Variants in ERBB4 observed in about 807,000 individuals in gnomAD.
ERBB4 encodes the protein erb-b2 receptor tyrosine kinase 4.
In ERBB4, 42 loss-of-function variants were observed where a neutral mutation model predicts 158.0. That is an observed-to-expected ratio of 0.27 (90% CI 0.21 to 0.34). ERBB4 has a LOEUF of 0.34. Ranked by LOEUF, ERBB4 falls within the 10% of genes least tolerant of loss-of-function variation. The pLI, the probability that ERBB4 is intolerant of heterozygous loss-of-function variation, is 1.00. For missense variants in ERBB4, 1,333 were observed against 1,624.1 expected (o/e 0.82, Z 3.08); for synonymous variants, 583 against 558.7 (o/e 1.04, Z -0.61).
chr2:212,152,241 T>A (rs1479354233), intron 1 of ERBB4, among the ~76,000 whole-genome samples: 2 of 152,202 alleles, frequency 1.3e-5, no homozygotes, highest in Non-Finnish European at 2.9e-5. Context: ...GATCTTCGGC[T>A]AATTATTTTA....
chr2:211,856,889 T>G (rs1341762754), intron 3 of ERBB4, among the ~76,000 whole-genome samples: 2 of 152,180 alleles, frequency 1.3e-5, no homozygotes, highest in Non-Finnish European at 2.9e-5. Context: ...AGAAATAATG[T>G]AGGAGTACTT....
intron 1 of ERBB4, among the ~76,000 whole-genome samples, chr2:212,162,901 A>G (rs1373999633): frequency 2.0e-5 from 3 of 152,012 alleles, no homozygotes; most frequent in Admixed American, 6.6e-5. Context: ...ATTTTATAGT[A>G]ACAGCAAAGC....
intron 1 of ERBB4, among the ~76,000 whole-genome samples, chr2:212,181,931 T>A (rs1026048684): frequency 6.6e-6 from 1 of 151,752 alleles, no homozygotes; most frequent in Non-Finnish European, 1.5e-5. Context: ...TTAGAAATAC[T>A]TTTGTGAGAT....
chr2:212,367,970 C>A (rs1280604445), intron 1 of ERBB4, among the ~76,000 whole-genome samples: 1 of 151,950 alleles, frequency 6.6e-6, no homozygotes, highest in Admixed American at 6.6e-5. Context: ...GGGAACACTT[C>A]TACACTGCTG....
At chr2:211,901,039 A>G (rs1055943151) in intron 3 of ERBB4, among the ~76,000 whole-genome samples, 1 of 152,184 alleles carries the variant, frequency 6.6e-6, no homozygotes, top group Non-Finnish European at 1.5e-5. Flanking sequence ...AATATTATAT[A>G]CTATAAAATG....
chr2:212,517,719 T>C (rs1217666113), intron 1 of ERBB4, among the ~76,000 whole-genome samples: 1 of 152,082 alleles, frequency 6.6e-6, no homozygotes, highest in Non-Finnish European at 1.5e-5. Context: ...TGCAGTGCTA[T>C]TGATTACAGG....
At chr2:212,483,228 A>T (rs1689798565) in intron 1 of ERBB4, among the ~76,000 whole-genome samples, 1 of 152,204 alleles carries the variant, frequency 6.6e-6, no homozygotes, top group Non-Finnish European at 1.5e-5. Context: ...GACTGACGTG[A>T]TGCTCTCAGT....
chr2:212,420,111 T>C (rs574204921), intron 1 of ERBB4, among the ~76,000 whole-genome samples: 1 of 152,070 alleles, frequency 6.6e-6, no homozygotes, highest in Non-Finnish European at 1.5e-5. Flanking sequence ...AAATAGATCA[T>C]TGTGATATGT....
At chr2:211,986,285 G>C (rs1260133543) in intron 2 of ERBB4, among the ~76,000 whole-genome samples, 2 of 152,152 alleles carry the variant, frequency 1.3e-5, no homozygotes, top group Non-Finnish European at 2.9e-5. Flanking sequence ...AAAGCTACTC[G>C]ATTTGTGGCA....
intron 2 of ERBB4, among the ~76,000 whole-genome samples, chr2:212,049,807 A>C (rs2077352003): frequency 6.6e-6 from 1 of 152,206 alleles, no homozygotes; most frequent in African/African-American, 2.4e-5. Flanking sequence ...CCAGTGAGTC[A>C]GCAAAACATG....
intron 21 of ERBB4, among the ~76,000 whole-genome samples, chr2:211,428,864 G>A (rs1316764639): frequency 1.3e-5 from 2 of 151,944 alleles, no homozygotes; most frequent in African/African-American, 4.8e-5. Flanking sequence ...CCACAGGGGT[G>A]CGCCACCATG....
intron 2 of ERBB4, among the ~76,000 whole-genome samples, chr2:211,971,127 C>T (rs1005989495): frequency 6.6e-6 from 1 of 152,106 alleles, no homozygotes; most frequent in Non-Finnish European, 1.5e-5. Context: ...TTCTCTTTTG[C>T]TTATGAAGCT....
rs1298202921 is a variant in ERBB4, at chr2:212,538,753, C to T, written c.-223G>A. On this transcript the variant is annotated 5_prime_UTR_variant, in exon 1 of 28. Transcript: ENST00000342788. Reference sequence around the variant, plus strand: ...GGGCGAGTGTGAGCGCGTGTGTGCGCGTGTGGGAGTGTGCTCGGTGTGTGC... The same window carrying T: ...GGGCGAGTGTGAGCGCGTGTGTGCGTGTGTGGGAGTGTGCTCGGTGTGTGC... 4 of 394,822 alleles carry T rather than the reference C, an allele frequency of 1.0e-5. No homozygotes were observed. Among genetic ancestry groups the T allele is most frequent in the Non-Finnish European group, 1.8e-5 (4 of 228,006 alleles). The allele number at this position is 394,822 out of a possible 1,614,324, so 24.5% of individuals were successfully genotyped here.
intron 1 of ERBB4, among the ~76,000 whole-genome samples, chr2:212,310,609 ATGTGTGTG>A (rs56209146): frequency 0.041 from 5,866 of 143,402 alleles, 153 homozygotes; most frequent in South Asian, 0.12. Context: ...ATATATGTAT[ATGTGTGTG>A]TGTGTGTGTG....
chr2:211,848,391 A>G (rs2077640157), intron 3 of ERBB4, among the ~76,000 whole-genome samples: 2 of 152,066 alleles, frequency 1.3e-5, no homozygotes, highest in African/African-American at 4.8e-5. Flanking sequence ...TTGCAATTGA[A>G]CCTGGAATCA....
chr2:212,199,158 C>T (rs1327029717), intron 1 of ERBB4, among the ~76,000 whole-genome samples: 1 of 152,124 alleles, frequency 6.6e-6, no homozygotes, highest in Non-Finnish European at 1.5e-5. Context: ...CTCATCAATA[C>T]TTGTTAGAAA....
rs958333785 is a variant in ERBB4, at chr2:211,826,166, T to C, written c.422-38007A>G. On this transcript the variant is annotated intron_variant, in intron 3 of 27. Coordinates refer to ENST00000342788, the MANE Select transcript of ERBB4 (RefSeq NM_005235.3). Reference sequence around the variant, plus strand: ...ATTTCAATGTATTTCAAAAACATTTTGAAATGAAGTAGTGTGGTATAAGGA... The same window carrying C: ...ATTTCAATGTATTTCAAAAACATTTCGAAATGAAGTAGTGTGGTATAAGGA... Among the ~76,000 whole-genome samples, 21 of 151,730 alleles carry C rather than the reference T, an allele frequency of 1.4e-4. 1 individual carries two copies. The highest frequency in any genetic ancestry group is 5.1e-4 in the African/African-American group (21 of 41,492).
chr2:211,482,795 C>A (rs139459558), intron 20 of ERBB4, among the ~76,000 whole-genome samples: 2 of 152,024 alleles, frequency 1.3e-5, no homozygotes, highest in Admixed American at 6.6e-5. Flanking sequence ...ATCCCAGCTA[C>A]GCGGGAGGCT....
chr2:212,111,632 CT>C (rs35995325), intron 2 of ERBB4, among the ~76,000 whole-genome samples: 75,854 of 149,618 alleles, frequency 0.51, 20,179 homozygotes, highest in Non-Finnish European at 0.6. Context: ...TTTCTCTATT[CT>C]TTTTTTTTTT....
Sources: gnomAD v4.1 joint callset for allele counts (sites outside exome capture counted in the v4.1 genomes callset) on GRCh38, gnomAD v4.1.1 for gene constraint, MANE v1.5 for transcripts, NCBI Gene and HGNC (gene_info 2026-07-23, HGNC 2026-07-21) for gene names.